The following JADE3 variants were observed in gnomAD, a reference collection of about 807,000 sequenced individuals.
JADE3 encodes the protein jade family PHD finger 3.
Under a neutral mutation model 50.1 loss-of-function variants are expected in JADE3, and 2 were observed. The ratio of observed to expected loss-of-function variants is 0.04; its 90% CI spans 0.02 to 0.13. The LOEUF is 0.13. Ranked by LOEUF, JADE3 falls within the 10% of genes least tolerant of loss-of-function variation. The pLI, the probability that JADE3 is intolerant of heterozygous loss-of-function variation, is 1.00. For synonymous variants in JADE3, 218 were observed against 232.9 expected (o/e 0.94, Z 0.58); for missense variants, 475 against 634.4 (o/e 0.75, Z 2.70).
chrX:47,059,104 C>G lies in JADE3; in HGVS notation c.*27C>G, dbSNP rs782373370. On this transcript the variant is annotated 3_prime_UTR_variant, in exon 11 of 11. Transcript: ENST00000614628. Reference sequence around the variant, plus strand: ...TAGAAACTTCCAAGGATGACCCAACCTTTGCCTTTGCCCCATATATTGGGG... The same window carrying G: ...TAGAAACTTCCAAGGATGACCCAACGTTTGCCTTTGCCCCATATATTGGGG... 28 of 1,085,141 alleles carry G rather than the reference C, an allele frequency of 2.6e-5. No individual in the cohort carries two copies. Among genetic ancestry groups the G allele is most frequent in the Non-Finnish European group, 3.0e-5 (24 of 812,181 alleles). The allele number at this position is 1,085,141 out of a possible 1,213,427, so 89.4% of individuals were successfully genotyped here. A position where few individuals can be genotyped will look rare whatever the true frequency, so the allele number is the denominator to read the frequency against.
chrX:47,015,503 G>A (rs952660575), intron 4 of JADE3, among the ~76,000 whole-genome samples: 1 of 106,609 alleles, frequency 9.4e-6, no homozygotes, highest in Admixed American at 1.0e-4. Flanking sequence ...AGAATCGCTT[G>A]AACCTGGGAA....
At chrX:46,976,909 C>T (rs1556351759) in intron 1 of JADE3, among the ~76,000 whole-genome samples, 1 of 111,751 alleles carries the variant, frequency 8.9e-6, no homozygotes, top group Non-Finnish European at 1.9e-5. Flanking sequence ...TTGCCGTATG[C>T]TTTCAGGTGT....
chrX:46,974,141 C>T (rs951076917), intron 1 of JADE3, among the ~76,000 whole-genome samples: 4 of 103,508 alleles, frequency 3.9e-5, no homozygotes, highest in African/African-American at 1.4e-4. Flanking sequence ...CAGTAGCTCA[C>T]GCCTGTAATC....
At position 47,024,848 on chromosome X, in the gene JADE3, C is replaced by A; in HGVS notation, c.409C>A (p.Arg137Ser). The A allele has an allele frequency of 2.5e-6, 3 of 1,201,981 alleles. No individual in the cohort carries two copies. Among genetic ancestry groups the A allele is most frequent in the Non-Finnish European group, 2.3e-6 (2 of 886,811 alleles). The part of the protein sequence containing the change: ...NIMELAASVC[R>S]YDLDDMDIFW... ...CATGGAGTTGGCAGCATCTGTTTGCCGCTATGACCTAGATGACATGGACAT... is the reference window on the plus strand; with the variant it reads ...CATGGAGTTGGCAGCATCTGTTTGCAGCTATGACCTAGATGACATGGACAT... The change falls in exon 5 of 11, where the codon CGC becomes AGC. Residue 137 changes from arginine to serine, a missense_variant. Arg to Ser is a moderately radical substitution (Grantham distance 110). Coordinates refer to ENST00000614628, the MANE Select transcript of JADE3 (RefSeq NM_014735.5).
At chrX:46,951,105 G>A (rs1926991488) in intron 1 of JADE3, among the ~76,000 whole-genome samples, 2 of 106,602 alleles carry the variant, frequency 1.9e-5, no homozygotes, top group South Asian at 4.1e-4. Flanking sequence ...TTGAGACAGA[G>A]TCTCGCTCTG....
chrX:46,924,840 A>G (rs1926321436), intron 1 of JADE3, among the ~76,000 whole-genome samples: 1 of 112,412 alleles, frequency 8.9e-6, no homozygotes, highest in Admixed American at 9.4e-5. Context: ...TGAAAATTAG[A>G]GCATGATTTT....
At position 46,993,911 on chromosome X, in the gene JADE3, C is replaced by G. The variant is rs782206789; in HGVS notation, c.127-4209C>G. On this transcript the variant is annotated intron_variant, in intron 3 of 10. Transcript: ENST00000614628. ...AAGATTGTATAATTATAATTAATTC[C>G]TTTTGCTTAAATATAATTACCAGTT... Among the ~76,000 whole-genome samples the G allele has an allele frequency of 1.6e-3, 182 of 111,582 alleles. 1 individual carries two copies. Among genetic ancestry groups the G allele is most frequent in the Non-Finnish European group, 2.8e-3 (147 of 53,157 alleles).
At chrX:46,934,284 CA>C (rs1556340438) in intron 1 of JADE3, among the ~76,000 whole-genome samples, 1 of 107,286 alleles carries the variant, frequency 9.3e-6, no homozygotes, top group Non-Finnish European at 1.9e-5. Flanking sequence ...TACAGGCGCA[CA>C]CCACCACGCC....
chrX:46,984,591 A>G (rs1164815153), intron 1 of JADE3, among the ~76,000 whole-genome samples: 2 of 111,698 alleles, frequency 1.8e-5, no homozygotes, highest in Non-Finnish European at 3.8e-5. Context: ...TTTGGTGGAC[A>G]GTGGCCATGT....
At chrX:46,996,268 C>T (rs1427670543) in intron 3 of JADE3, among the ~76,000 whole-genome samples, 8 of 111,840 alleles carry the variant, frequency 7.2e-5, no homozygotes, top group Non-Finnish European at 1.9e-5. Flanking sequence ...ATCTCCTGAC[C>T]TCGTGATCCA....
rs782622365 is a variant in JADE3, at chrX:46,957,469, C to T, written c.-11-27415C>T. On this transcript the variant is annotated intron_variant, in intron 1 of 10. Coordinates refer to ENST00000614628, the MANE Select transcript of JADE3 (RefSeq NM_014735.5). ...TGTGGTAGGATTGTAGTTCCTGTCCCTTTTGAGGTTAGGCGTGGCCCTGTG... is the reference window on the plus strand; with the variant it reads ...TGTGGTAGGATTGTAGTTCCTGTCCTTTTTGAGGTTAGGCGTGGCCCTGTG... 2.7e-5 allele frequency among the ~76,000 whole-genome samples: 3 copies of T among 112,155 alleles called. No individual in the cohort carries two copies. In the East Asian group the frequency reaches 8.4e-4, roughly 31 times the overall value.
chrX:46,966,769 G>C (rs1474278052), intron 1 of JADE3, among the ~76,000 whole-genome samples: 7 of 111,782 alleles, frequency 6.3e-5, no homozygotes, highest in Non-Finnish European at 1.1e-4. Context: ...ATATTAGCTA[G>C]AGAAAAATGA....
At chrX:47,026,006 G>T (rs1928901604) in intron 5 of JADE3, among the ~76,000 whole-genome samples, 1 of 111,686 alleles carries the variant, frequency 9.0e-6, no homozygotes. Context: ...CTTATTCCTT[G>T]ATTTTTAAAG....
chrX:47,056,885 A>G (rs901593675), intron 10 of JADE3, among the ~76,000 whole-genome samples: 1 of 112,064 alleles, frequency 8.9e-6, no homozygotes. Flanking sequence ...CTGGGCAACT[A>G]GGGGTCACTG....
chrX:46,977,916 A>G (rs921603637), intron 1 of JADE3, among the ~76,000 whole-genome samples: 1 of 112,001 alleles, frequency 8.9e-6, no homozygotes, highest in African/African-American at 3.3e-5. Context: ...GCAGCCAACA[A>G]GAAGTAGCTG....
intron 3 of JADE3, among the ~76,000 whole-genome samples, chrX:46,996,106 G>A (rs1451447432): frequency 6.3e-5 from 7 of 111,856 alleles, no homozygotes; most frequent in African/African-American, 1.6e-4. Context: ...ACGCGATCTC[G>A]GCTCACTGCA....
chrX:46,965,952 T>C lies in JADE3; in HGVS notation c.-11-18932T>C, dbSNP rs1313206875. Among the ~76,000 whole-genome samples, 6 of 111,943 alleles carry C rather than the reference T, an allele frequency of 5.4e-5. No homozygotes were observed. In the Admixed American group the frequency reaches 5.7e-4, roughly 11 times the overall value. ...CTCTGGCAGTTGGGTGGAGGGTAAA[T>C]TTGGGGACAACAAGATTAGGACTTT... On this transcript the variant is annotated intron_variant, in intron 1 of 10. Transcript: ENST00000614628.
At chrX:47,052,197 TC>T (rs1305575431) in intron 8 of JADE3, among the ~76,000 whole-genome samples, 1 of 110,247 alleles carries the variant, frequency 9.1e-6, no homozygotes, top group African/African-American at 3.3e-5. Context: ...ATGGGCCAGG[TC>T]CTTCCCCCTT....
intron 4 of JADE3, among the ~76,000 whole-genome samples, chrX:47,012,254 TA>T (rs1459089976): frequency 9.0e-6 from 1 of 111,593 alleles, no homozygotes; most frequent in Non-Finnish European, 1.9e-5. Context: ...ATTCTCTTTT[TA>T]CTTTCCTCAT....
Sources: allele counts gnomAD v4.1 joint callset (sites outside exome capture counted in the v4.1 genomes callset), GRCh38; gene constraint gnomAD v4.1.1; transcripts MANE v1.5; gene names NCBI Gene and HGNC (gene_info 2026-07-23, HGNC 2026-07-21).